AK9: variants seen among roughly 807,000 people sequenced by gnomAD.
AK9 encodes adenylate kinase 9, also known as adenylate kinase domain containing 1.
In AK9, 191 loss-of-function variants were observed where a neutral mutation model predicts 239.6. That is an observed-to-expected ratio of 0.80 (90% confidence interval 0.71 to 0.90). AK9 has a LOEUF of 0.90. Ranked by LOEUF, AK9 falls within the 40% of genes least tolerant of loss-of-function variation. The probability of loss-of-function intolerance (pLI) is 0.00; values close to 1 mark genes in which losing one functional copy is unlikely to be tolerated. For synonymous variants in AK9, 689 were observed against 721.0 expected (o/e 0.96, Z 0.71); for missense variants, 1,995 against 2,214.7 (o/e 0.90, Z 1.99).
chr6:109,524,562 T>A (rs140829769), intron 29 of AK9, among the ~76,000 whole-genome samples: 2 of 152,164 alleles, frequency 1.3e-5, no homozygotes, highest in Admixed American at 1.3e-4. Flanking sequence ...AGAAAGACAA[T>A]AGGTGAACAA....
chr6:109,606,328 A>T (rs977310331), intron 17 of AK9, among the ~76,000 whole-genome samples: 7 of 152,158 alleles, frequency 4.6e-5, no homozygotes, highest in Admixed American at 3.3e-4. Flanking sequence ...GAAGCAGAGG[A>T]AATAGGACAT....
intron 26 of AK9, among the ~76,000 whole-genome samples, chr6:109,544,251 C>A (rs1218227510): frequency 2.0e-5 from 3 of 152,098 alleles, no homozygotes; most frequent in Non-Finnish European, 4.4e-5. Context: ...GAACAAATGG[C>A]CTATCTATAT....
rs1156511671 is a variant in AK9, at chr6:109,497,790, A to G, written c.5216+6T>C. On this transcript the variant is annotated splice_donor_region_variant and intron_variant, in intron 37 of 40. Transcript: ENST00000424296. Reference sequence around the variant, plus strand: ...ATTCTATACTTCCATGAAGGCCAGGACTTGCCTTTGGTTTCCATCCTTATA... The same window carrying G: ...ATTCTATACTTCCATGAAGGCCAGGGCTTGCCTTTGGTTTCCATCCTTATA... The G allele has an allele frequency of 8.1e-6, 13 of 1,610,126 alleles. No individual in the cohort carries two copies. The highest frequency in any genetic ancestry group is 1.7e-5 in the Admixed American group (1 of 59,952).
intron 17 of AK9, among the ~76,000 whole-genome samples, chr6:109,596,655 A>G (rs1791072856): frequency 6.6e-6 from 1 of 152,180 alleles, no homozygotes; most frequent in Non-Finnish European, 1.5e-5. Context: ...TGCCACTGCA[A>G]TGAAATCTGT....
In AK9 at chr6:109,533,327, A is replaced by G. The variant is rs1230169547; in HGVS notation, c.3494T>C (p.Ile1165Thr). Residue 1165 changes from isoleucine (I) to threonine (T), a missense_variant, in exon 28 of 41, where the codon ATT becomes ACT. Around this residue, in one of 5 missense-constraint regions of AK9, gnomAD observed 1,290 missense variants for 1,392.7 expected, o/e 0.93. Transcript: ENST00000424296. ...DIFDRLLPAQ[I>T]EKWKLKQKKK... is the part of the protein sequence containing the mutation. Reference sequence around the variant, plus strand: ...CTTTTGTTTTAGTTTCCACTTTTCAATTTGGGCAGGAAGGAGGCGATCAAA... The same window carrying G: ...CTTTTGTTTTAGTTTCCACTTTTCAGTTTGGGCAGGAAGGAGGCGATCAAA... 1.9e-6 allele frequency: 3 copies of G among 1,611,830 alleles called. No homozygotes were observed. The highest frequency in any genetic ancestry group is 2.2e-5 in the East Asian group (1 of 44,824).
intron 28 of AK9, among the ~76,000 whole-genome samples, chr6:109,530,108 G>A (rs2128131896): frequency 6.6e-6 from 1 of 152,294 alleles, no homozygotes; most frequent in Non-Finnish European, 1.5e-5. Flanking sequence ...GATCCCCTTT[G>A]ATAGGTCTCC....
chr6:109,498,896 G>T, intron 36 of AK9, 148 bp downstream of exon 36: 1 of 581,584 alleles, frequency 1.7e-6, no homozygotes. Flanking sequence ...ACTCACTGCT[G>T]AGTTGCTTCA....
chr6:109,502,031 C>T (rs1244811484), intron 35 of AK9, among the ~76,000 whole-genome samples: 1 of 152,146 alleles, frequency 6.6e-6, no homozygotes, highest in Non-Finnish European at 1.5e-5. Context: ...TTCACCATAT[C>T]ATCATATCAT....
At chr6:109,502,806 C>G (rs532088072) in intron 35 of AK9, among the ~76,000 whole-genome samples, 1 of 152,332 alleles carries the variant, frequency 6.6e-6, no homozygotes, top group South Asian at 2.1e-4. Context: ...GGAACGGAAT[C>G]TTACCGACAT....
At chr6:109,540,382 G>C (rs1782704384) in intron 27 of AK9, among the ~76,000 whole-genome samples, 2 of 152,226 alleles carry the variant, frequency 1.3e-5, no homozygotes, top group South Asian at 4.1e-4. Flanking sequence ...GAGGCTCTGT[G>C]GGTGTGGGAC....
At chr6:109,568,024 T>C (rs4607459) in intron 21 of AK9, among the ~76,000 whole-genome samples, 88,020 of 151,386 alleles carry the variant, frequency 0.58, 27,223 homozygotes, top group South Asian at 0.84. Context: ...ATGCAAAAAT[T>C]CTCAATAAAA....
In AK9 at chr6:109,515,838, G is replaced by A. The variant is rs1000577163; in HGVS notation, c.4065+19C>T. On this transcript the variant is annotated intron_variant, in intron 31 of 40. Transcript: ENST00000424296. Reference sequence around the variant, plus strand: ...AATAAATAAGGAACATGGCTTTCAGGTGCGTTTGCTGAAATTACCTTTACA... The same window carrying A: ...AATAAATAAGGAACATGGCTTTCAGATGCGTTTGCTGAAATTACCTTTACA... 3 of 1,517,934 alleles carry A rather than the reference G, an allele frequency of 2.0e-6. No individual in the cohort carries two copies. The allele number at this position is 1,517,934 out of a possible 1,614,324, so 94.0% of individuals were successfully genotyped here.
In AK9 at chr6:109,550,254, G is replaced by C. The variant is rs764798052; in HGVS notation, c.2800C>G (p.His934Asp). The C allele has an allele frequency of 6.8e-6, 11 of 1,612,752 alleles. No homozygotes were observed. The change falls in exon 25 of 41, where the codon CAC (histidine) becomes GAC (aspartate). Residue 934 changes from histidine to aspartate, a missense_variant. This residue lies in a region of AK9 where 1,290 missense variants were observed against 1,392.7 expected (regional missense o/e 0.93). Transcript: ENST00000424296. ...ERKRHLGDTK[H>D]FCPVVLKENF... ...TCTTTGAGGACCACCGGACAAAAGT[G>C]TTTTGTGTCTCCCAAATGCCTCTTT... is the stretch of plus-strand genomic sequence containing the variant.
In AK9 at chr6:109,493,518, C is replaced by G. The variant is rs1203085223; in HGVS notation, c.5587G>C (p.Glu1863Gln). 6 of 1,613,982 alleles carry G rather than the reference C, an allele frequency of 3.7e-6. No individual in the cohort carries two copies. The highest frequency in any genetic ancestry group is 5.1e-6 in the Non-Finnish European group (6 of 1,180,036). ...YTRKKYKKKM[E>Q]QFMESCELIT... ...AGTTCACAACTCTCCATAAACTGCT[C>G]CATCTTCTTCTTATACTTTTTTCTT... Residue 1863 changes from glutamate to glutamine, a missense_variant, in exon 41 of 41, where the codon GAG becomes CAG. Physicochemically the swap from Glu to Gln is conservative, Grantham distance 29 (BLOSUM62 2). Coordinates refer to ENST00000424296, the MANE Select transcript of AK9 (RefSeq NM_001145128.3).
chr6:109,547,143 C>T (rs999303592), intron 25 of AK9, among the ~76,000 whole-genome samples: 8 of 152,128 alleles, frequency 5.3e-5, no homozygotes, highest in African/African-American at 1.9e-4. Context: ...TGGATTGGGG[C>T]TTCTTTGTGA....
chr6:109,618,752 C>T (rs1794479047), intron 13 of AK9, among the ~76,000 whole-genome samples: 1 of 152,160 alleles, frequency 6.6e-6, no homozygotes, highest in Admixed American at 6.6e-5. Flanking sequence ...CAACAAACTC[C>T]ACAAGAGTCA....
intron 20 of AK9, among the ~76,000 whole-genome samples, chr6:109,577,900 T>TCC (rs1788310089): frequency 1.1e-5 from 1 of 89,460 alleles, no homozygotes; most frequent in South Asian, 6.3e-4. Flanking sequence ...CTCTCTCTCT[T>TCC]TCTCTCTTTC....
chr6:109,535,508 C>T (rs1190209577), intron 27 of AK9, among the ~76,000 whole-genome samples: 1 of 152,068 alleles, frequency 6.6e-6, no homozygotes, highest in Admixed American at 6.6e-5. Flanking sequence ...GGATATTAGC[C>T]CTTTGTCAGA....
At position 109,664,914 on chromosome 6, in the gene AK9, C is replaced by T. The variant is rs895481900; in HGVS notation, c.332-2251G>A. On this transcript the variant is annotated intron_variant, in intron 5 of 40. Coordinates refer to ENST00000424296, the MANE Select transcript of AK9 (RefSeq NM_001145128.3). ...AATTAGCCAAGCATAGTGGCGGGTG[C>T]CTGTAATCCCAGCTACTCGGGAGGC... Among the ~76,000 whole-genome samples the T allele has an allele frequency of 2.2e-4, 34 of 151,120 alleles. 1 individual carries two copies. The East Asian group carries it at 6.8e-3, about 30-fold the overall frequency.
Sources: gnomAD v4.1 joint callset for allele counts (sites outside exome capture counted in the v4.1 genomes callset) on GRCh38, gnomAD v4.1.1 for gene constraint, gnomAD v4.1.1 regional missense constraint, MANE v1.5 for transcripts, NCBI Gene and HGNC (gene_info 2026-07-23, HGNC 2026-07-21) for gene names.